The following RIN2 variants were observed in gnomAD, a reference collection of about 807,000 sequenced individuals.
RIN2 encodes RAB5 interacting protein 2.
RIN2 carries 36 observed loss-of-function variants against 78.0 expected under a neutral mutation model. The observed-to-expected ratio is 0.46, with a 90% CI of 0.35 to 0.61. RIN2 has a LOEUF of 0.61. Ranked by LOEUF, RIN2 falls within the 20% of genes least tolerant of loss-of-function variation. RIN2 has a pLI of 0.00. For synonymous variants in RIN2, 466 were observed against 466.8 expected (o/e 1.00, Z 0.02); for missense variants, 1,087 against 1,159.7 (o/e 0.94, Z 0.91).
chr20:19,970,859 G>T lies in RIN2; in HGVS notation c.558G>T (p.Leu186Phe), dbSNP rs761345168. ...CISRDVLPFT[L>F]KLPYAISTAK... ...TCAGGGATGTTCTACCATTTACCTT[G>T]AAGTTGCCTTATGCCATTTCAACAG... Residue 186 changes from leucine to phenylalanine, a missense_variant, in exon 8 of 13, where the codon TTG becomes TTT. By Grantham distance (22) the Leu-to-Phe change is conservative. Around this residue, in one of 8 missense-constraint regions of RIN2, gnomAD observed 706 missense variants for 667.5 expected, o/e 1.06. Transcript: ENST00000255006. 1 of 1,613,440 alleles carries T rather than the reference G, an allele frequency of 6.2e-7. No individual in the cohort carries two copies.
At chr20:19,960,679 T>C (rs921285460) in intron 5 of RIN2, 21 bp from the exon 6 acceptor site, 16 of 1,506,432 alleles carry the variant, frequency 1.1e-5, no homozygotes, top group Middle Eastern at 3.4e-4. Flanking sequence ...CTAAAGCTTG[T>C]ATTTCTTTTC....
intron 4 of RIN2, among the ~76,000 whole-genome samples, chr20:19,942,708 T>A (rs1394705330): frequency 6.6e-6 from 1 of 152,224 alleles, no homozygotes; most frequent in Non-Finnish European, 1.5e-5. Context: ...TTTTTGATCA[T>A]CCTAGAAATG....
At chr20:19,793,955 A>G (rs1273950085) in intron 1 of RIN2, among the ~76,000 whole-genome samples, 6 of 152,214 alleles carry the variant, frequency 3.9e-5, no homozygotes, top group Non-Finnish European at 7.3e-5. Flanking sequence ...GATGTGGTCC[A>G]GTCATGAAGA....
In RIN2 at chr20:19,799,311, G is replaced by T. The variant is rs115717630; in HGVS notation, c.-162-311G>T. On this transcript the variant is annotated intron_variant, in intron 1 of 12. Coordinates refer to ENST00000255006, the MANE Select transcript of RIN2 (RefSeq NM_018993.4). Reference sequence around the variant, plus strand: ...GATGCAAGGGATAAGGGAAGGAAATGAATTGTCACTTAACTGGTGGGGAAG... The same window carrying T: ...GATGCAAGGGATAAGGGAAGGAAATTAATTGTCACTTAACTGGTGGGGAAG... 7.7e-3 allele frequency among the ~76,000 whole-genome samples: 1,180 copies of T among 152,312 alleles called. 17 individuals are homozygous for T. The highest frequency in any genetic ancestry group is 0.027 in the African/African-American group (1,115 of 41,544).
intron 3 of RIN2, among the ~76,000 whole-genome samples, chr20:19,902,132 C>T (rs1426996877): frequency 6.6e-6 from 1 of 151,882 alleles, no homozygotes; most frequent in East Asian, 1.9e-4. Flanking sequence ...CCCCCTTTTG[C>T]AGTTAAGAAA....
intron 4 of RIN2, among the ~76,000 whole-genome samples, chr20:19,953,138 A>ATT (rs56885040): frequency 1.3e-5 from 2 of 151,590 alleles, no homozygotes; most frequent in African/African-American, 4.9e-5. Context: ...CCCCTGGGGA[A>ATT]TTTTTTTTTC....
At chr20:19,837,975 G>A (rs1304757437) in intron 2 of RIN2, among the ~76,000 whole-genome samples, 1 of 152,072 alleles carries the variant, frequency 6.6e-6, no homozygotes, top group East Asian at 1.9e-4. Flanking sequence ...TATTTTGAGT[G>A]GAGGGGACAA....
intron 4 of RIN2, 106 bp downstream of exon 4, chr20:19,935,305 G>A (rs2146120978): frequency 7.9e-7 from 1 of 1,259,272 alleles, no homozygotes; most frequent in East Asian, 2.6e-5. Flanking sequence ...TGGGAGCTGG[G>A]AGTGTGGTAG....
intron 4 of RIN2, among the ~76,000 whole-genome samples, chr20:19,955,807 A>C (rs923693532): frequency 6.6e-6 from 1 of 152,224 alleles, no homozygotes; most frequent in African/African-American, 2.4e-5. Flanking sequence ...AGAAGAAATA[A>C]AATCCAATCA....
chr20:19,889,412 G>C (rs150936143), intron 2 of RIN2, 154 bp from the exon 3 acceptor site: 5 of 1,152,764 alleles, frequency 4.3e-6, no homozygotes, highest in Non-Finnish European at 5.8e-6. Context: ...AGGAAATTGG[G>C]CTGAAGGGAG....
chr20:19,934,473 A>G, intron 3 of RIN2: 1 of 985,272 alleles, frequency 1.0e-6, no homozygotes. Flanking sequence ...CTTTTCCCCT[A>G]GATGGCCCTG....
intron 2 of RIN2, among the ~76,000 whole-genome samples, chr20:19,843,546 A>G (rs2036645023): frequency 6.6e-6 from 1 of 152,228 alleles, no homozygotes; most frequent in African/African-American, 2.4e-5. Flanking sequence ...ATTTTTACAT[A>G]CACAAATTGT....
intron 2 of RIN2, among the ~76,000 whole-genome samples, chr20:19,848,183 T>C (rs2036844723): frequency 6.6e-6 from 1 of 152,144 alleles, no homozygotes; most frequent in East Asian, 1.9e-4. Flanking sequence ...GCTACAGTTA[T>C]ATGATATGTG....
Position 19,990,094 on chromosome 20 carries a change from C to T in RIN2, c.1851C>T (p.Ala617=), listed in dbSNP as rs180817901. Residue 617 remains alanine, a synonymous_variant, in exon 10 of 13, where the codon GCC becomes GCT. Coordinates refer to ENST00000255006, the MANE Select transcript of RIN2 (RefSeq NM_018993.4). ...VEAMLKDFHM[A]DGSWKQLKEN... The stretch of plus-strand genomic sequence containing the variant: ...CCATGCTGAAGGACTTTCACATGGC[C>T]GATGGCTCATGGAAGCAACTCAAGG... 1,259 of 1,599,238 alleles carry T rather than the reference C, an allele frequency of 7.9e-4. 9 individuals are homozygous for T. The highest frequency in any genetic ancestry group is 1.5e-3 in the East Asian group (65 of 44,296).
intron 1 of RIN2, among the ~76,000 whole-genome samples, chr20:19,772,098 C>T (rs1213803355): frequency 1.3e-5 from 2 of 152,204 alleles, no homozygotes; most frequent in African/African-American, 2.4e-5. Context: ...TACTCAAGGG[C>T]ATTACTGCAG....
intron 2 of RIN2, among the ~76,000 whole-genome samples, chr20:19,870,360 CCTCAGGCTAGGTGTAGTGG>C (rs1342145514): frequency 6.6e-6 from 1 of 152,124 alleles, no homozygotes; most frequent in Non-Finnish European, 1.5e-5. Context: ...AAGAGTGATT[CCTCAGGCTAGGTGTAGTGG>C]CTCAAGCCTG....
chr20:19,927,968 C>T (rs2040293807), intron 3 of RIN2, among the ~76,000 whole-genome samples: 1 of 151,926 alleles, frequency 6.6e-6, no homozygotes. Flanking sequence ...AGTGGTATGA[C>T]CTCGGCTCAC....
At chr20:19,986,859 T>G (rs577002613) in intron 9 of RIN2, among the ~76,000 whole-genome samples, 67 of 152,352 alleles carry the variant, frequency 4.4e-4, no homozygotes, top group Middle Eastern at 3.4e-3. Context: ...AGTACTCGGC[T>G]CAACAGAATT....
intron 6 of RIN2, among the ~76,000 whole-genome samples, chr20:19,964,575 G>A (rs563043429): frequency 7.2e-5 from 11 of 152,264 alleles, no homozygotes; most frequent in African/African-American, 2.2e-4. Context: ...TCAAGGGATC[G>A]AGGGGAGTAG....
Sources: gnomAD v4.1 joint callset for allele counts (sites outside exome capture counted in the v4.1 genomes callset) on GRCh38, gnomAD v4.1.1 for gene constraint, gnomAD v4.1.1 regional missense constraint, MANE v1.5 for transcripts, NCBI Gene and HGNC (gene_info 2026-07-23, HGNC 2026-07-21) for gene names.